IPP: variants seen among roughly 807,000 people sequenced by gnomAD.
The protein encoded by IPP is actin-binding protein IPP.
A neutral mutation model predicts 64.1 loss-of-function variants in IPP; 41 were observed. The ratio of observed to expected loss-of-function variants is 0.64; its 90% confidence interval spans 0.50 to 0.83. The LOEUF (loss-of-function observed/expected upper bound fraction) is 0.83, where lower values mean the gene tolerates loss of function less well. IPP is among the 40% of genes least tolerant of loss of function. IPP has a pLI of 0.00. For missense variants in IPP, 649 were observed against 703.0 expected, an observed-to-expected ratio of 0.92 and a Z score of 0.87; for synonymous variants, 214 against 235.2, an observed-to-expected ratio of 0.91 and a Z score of 0.83.
At chr1:45,719,685 T>G (rs1569987677) in intron 5 of IPP, among the ~76,000 whole-genome samples, 1 of 152,372 alleles carries the variant, frequency 6.6e-6, no homozygotes, top group South Asian at 2.1e-4. Context: ...TGGTACAATT[T>G]GAGTTTTAAT....
intron 8 of IPP, among the ~76,000 whole-genome samples, chr1:45,706,493 A>G (rs1247584590): frequency 6.6e-6 from 1 of 152,104 alleles, no homozygotes; most frequent in Non-Finnish European, 1.5e-5. Flanking sequence ...CTTGTTGCCC[A>G]GGCTGGAGTG....
intron 8 of IPP, among the ~76,000 whole-genome samples, chr1:45,711,572 G>A (rs112260114): frequency 0.19 from 28,596 of 151,944 alleles, 3,043 homozygotes; most frequent in Non-Finnish European, 0.24. Context: ...TGGCCAACAC[G>A]GCAAAACCCC....
chr1:45,698,902 G>T lies in IPP; in HGVS notation c.*1064C>A. On this transcript the variant is annotated 3_prime_UTR_variant, in exon 9 of 9. Transcript: ENST00000396478. ...CCCGGCTAATTTTTATATATTTTTTGGTAGAGACGGAGTCTCATCACGTTG... is the reference window on the plus strand; with the variant it reads ...CCCGGCTAATTTTTATATATTTTTTTGTAGAGACGGAGTCTCATCACGTTG... 1 of 339,610 alleles carries T rather than the reference G, an allele frequency of 2.9e-6. No individual in the cohort carries two copies. Among genetic ancestry groups the T allele is most frequent in the Non-Finnish European group, 4.2e-6 (1 of 240,092 alleles). 21.0% of individuals were successfully genotyped at this position (339,610 alleles called of 1,614,324 possible). A position where few individuals can be genotyped will look rare whatever the true frequency, so the allele number is the denominator to read the frequency against.
intron 6 of IPP, among the ~76,000 whole-genome samples, chr1:45,717,942 A>G (rs774107445): frequency 1.3e-5 from 2 of 152,184 alleles, no homozygotes; most frequent in Non-Finnish European, 2.9e-5. Flanking sequence ...TTTCCACAAT[A>G]GGTTTGGATG....
At chr1:45,700,857 A>C (rs994013993) in intron 8 of IPP, among the ~76,000 whole-genome samples, 5 of 152,226 alleles carry the variant, frequency 3.3e-5, no homozygotes, top group East Asian at 1.9e-4. Flanking sequence ...AAGGAGAAAG[A>C]AGCTTATAAA....
chr1:45,737,362 T>C (rs1039637500), intron 3 of IPP, among the ~76,000 whole-genome samples: 1 of 152,040 alleles, frequency 6.6e-6, no homozygotes, highest in Non-Finnish European at 1.5e-5. Context: ...AAAATTAATA[T>C]AGTAGTCCCC....
downstream of IPP, chr1:45,698,631 G>A (rs1437064329): frequency 2.1e-6 from 2 of 951,144 alleles, no homozygotes; most frequent in Non-Finnish European, 2.5e-6. Context: ...TACAAAGCTT[G>A]ATAATCTAAT....
chr1:45,724,216 G>GC (rs1400629037), intron 5 of IPP, among the ~76,000 whole-genome samples: 8 of 152,166 alleles, frequency 5.3e-5, no homozygotes, highest in African/African-American at 1.9e-4. Context: ...GCTCCTAACC[G>GC]CGAGTGATCC....
At chr1:45,725,471 G>A (rs1170027666) in intron 5 of IPP, among the ~76,000 whole-genome samples, 1 of 139,120 alleles carries the variant, frequency 7.2e-6, no homozygotes, top group Non-Finnish European at 1.6e-5. Context: ...AGGTGGGGGT[G>A]TCAGCCCCCC....
Position 45,717,880 on chromosome 1 carries a change from T to C in IPP, c.1187-863A>G, listed in dbSNP as rs140406396. Among the ~76,000 whole-genome samples the C allele has an allele frequency of 6.2e-3, 948 of 152,334 alleles. 7 individuals carry two copies. Among genetic ancestry groups the C allele is most frequent in the African/African-American group, 0.022 (915 of 41,576 alleles). On this transcript the variant is annotated intron_variant, in intron 6 of 8. Transcript: ENST00000396478. ...ATTAACTGAAAAATGCAGATACTTA[T>C]GGAGGTAATAAAATATAATAGATTA...
chr1:45,705,282 A>C (rs1257964607), intron 8 of IPP, among the ~76,000 whole-genome samples: 1 of 152,240 alleles, frequency 6.6e-6, no homozygotes, highest in African/African-American at 2.4e-5. Flanking sequence ...CACCAAAAGG[A>C]AATAAGGCTT....
At chr1:45,721,008 AAT>A (rs957329032) in intron 5 of IPP, among the ~76,000 whole-genome samples, 1 of 152,202 alleles carries the variant, frequency 6.6e-6, no homozygotes, top group African/African-American at 2.4e-5. Context: ...TAAAATTAAA[AAT>A]ATCTGTTCAT....
At chr1:45,705,025 AAC>A (rs1481471338) in intron 8 of IPP, among the ~76,000 whole-genome samples, 3 of 152,230 alleles carry the variant, frequency 2.0e-5, no homozygotes, top group Non-Finnish European at 4.4e-5. Flanking sequence ...TGCTACTCTC[AAC>A]ACACTGTCTA....
intron 1 of IPP, among the ~76,000 whole-genome samples, chr1:45,747,834 C>CA (rs60576414): frequency 0.15 from 5,867 of 39,302 alleles, 1,564 homozygotes; most frequent in Non-Finnish European, 0.19. Flanking sequence ...GACTCTGTCT[C>CA]AAAAAAAAAA....
In IPP at chr1:45,724,305, G is replaced by A. The variant is rs565747561; in HGVS notation, c.1048+3326C>T. Among the ~76,000 whole-genome samples the A allele has an allele frequency of 7.3e-3, 1,103 of 151,898 alleles. 9 individuals carry two copies. The highest frequency in any genetic ancestry group is 0.032 in the South Asian group (154 of 4,796). On this transcript the variant is annotated intron_variant, in intron 5 of 8. Transcript: ENST00000396478. ...AGTGCTCAATGGTGCCCAGGCTGGA[G>A]TGCAGTGGCGTGATCTCGGCTCGCT...
intron 5 of IPP, among the ~76,000 whole-genome samples, chr1:45,724,548 C>G (rs1458033093): frequency 6.8e-6 from 1 of 148,006 alleles, no homozygotes; most frequent in Non-Finnish European, 1.5e-5. Context: ...GCCTCTTCCC[C>G]GCCGCCATCC....
Position 45,733,208 on chromosome 1 carries a change from C to A in IPP, c.725-3439G>T, listed in dbSNP as rs192970320. Among the ~76,000 whole-genome samples, 434 of 151,634 alleles carry A rather than the reference C, an allele frequency of 2.9e-3. 4 individuals are homozygous for A. Among genetic ancestry groups the A allele is most frequent in the Middle Eastern group, 0.01 (3 of 294 alleles). On this transcript the variant is annotated intron_variant, in intron 3 of 8. Coordinates refer to ENST00000396478, the MANE Select transcript of IPP (RefSeq NM_005897.3). ...TTGGGAGGCCGAGGTGGGCAGATCA[C>A]AAGGTCAGGAGTTCGAGAACAGCCT...
At chr1:45,734,477 G>A (rs1337480998) in intron 3 of IPP, among the ~76,000 whole-genome samples, 1 of 150,088 alleles carries the variant, frequency 6.7e-6, no homozygotes, top group Non-Finnish European at 1.5e-5. Context: ...TTGCTCTGTT[G>A]CTCAGGCTGG....
intron 7 of IPP, 128 bp from the exon 8 acceptor site, chr1:45,714,594 AAG>A: frequency 1.6e-6 from 1 of 642,332 alleles, no homozygotes; most frequent in South Asian, 2.0e-5. Flanking sequence ...ATTATTATTT[AAG>A]AGAGAAAATC....
Sources: allele counts gnomAD v4.1 joint callset (sites outside exome capture counted in the v4.1 genomes callset), GRCh38; gene constraint gnomAD v4.1.1; transcripts MANE v1.5; gene names NCBI Gene and HGNC (gene_info 2026-07-23, HGNC 2026-07-21).